SLC35F3: variants seen among roughly 807,000 people sequenced by gnomAD.
SLC35F3 encodes the protein putative thiamine transporter SLC35F3.
A neutral mutation model predicts 49.9 loss-of-function variants in SLC35F3; 25 were observed. That is an observed-to-expected ratio of 0.50 (90% confidence interval 0.37 to 0.70). SLC35F3 has a LOEUF of 0.70. Ranked by LOEUF, SLC35F3 falls within the 30% of genes least tolerant of loss-of-function variation. SLC35F3 has a pLI of 0.00. For missense variants in SLC35F3, 525 were observed against 639.8 expected (o/e 0.82, Z 1.94); for synonymous variants, 275 against 265.4 (o/e 1.04, Z -0.35).
chr1:234,279,168 G>A (rs1348786279), intron 3 of SLC35F3, among the ~76,000 whole-genome samples: 1 of 152,150 alleles, frequency 6.6e-6, no homozygotes, highest in Non-Finnish European at 1.5e-5. Flanking sequence ...CTGTAAGTGG[G>A]GAGGGGACTT....
chr1:234,109,911 T>C (rs1665379840), intron 2 of SLC35F3, among the ~76,000 whole-genome samples: 1 of 152,158 alleles, frequency 6.6e-6, no homozygotes, highest in Non-Finnish European at 1.5e-5. Flanking sequence ...CGAGATGCCA[T>C]GGCCAGGGGC....
chr1:234,194,765 G>T (rs1442844893), intron 2 of SLC35F3, among the ~76,000 whole-genome samples: 1 of 152,114 alleles, frequency 6.6e-6, no homozygotes, highest in Non-Finnish European at 1.5e-5. Context: ...TGGAGGAGGT[G>T]ATTCTAATAG....
intron 2 of SLC35F3, among the ~76,000 whole-genome samples, chr1:234,139,928 C>T (rs919132032): frequency 1.2e-5 from 1 of 81,522 alleles, no homozygotes; most frequent in South Asian, 3.7e-4. Flanking sequence ...AGCCTGGCAA[C>T]AGAGCGAGAC....
intron 2 of SLC35F3, among the ~76,000 whole-genome samples, chr1:234,194,847 G>C (rs1166837697): frequency 6.6e-6 from 1 of 151,602 alleles, no homozygotes; most frequent in Non-Finnish European, 1.5e-5. Context: ...TTTAACCCAT[G>C]TTCCTGTTTC....
In SLC35F3 at chr1:234,214,748, G is replaced by A; in HGVS notation, c.284-16669G>A. ...GCGTGGGGGGATCTGGCAGCTTCAGGGGCTGCCCTGAGCTCCCTGGCGAGC... is the reference window on the plus strand; with the variant it reads ...GCGTGGGGGGATCTGGCAGCTTCAGAGGCTGCCCTGAGCTCCCTGGCGAGC... On this transcript the variant is annotated intron_variant, in intron 2 of 7. Transcript: ENST00000366618. This position sits in a 1 kb window ranked among gnomAD's most constrained non-coding sequence, Gnocchi z 8.0. 1 of 869,342 alleles carries A rather than the reference G, an allele frequency of 1.2e-6. No homozygotes were observed. The highest frequency in any genetic ancestry group is 1.6e-6 in the Non-Finnish European group (1 of 616,884). The allele number at this position is 869,342 out of a possible 1,614,324, so 53.9% of individuals were successfully genotyped here.
chr1:234,018,190 T>A (rs889292189), intron 2 of SLC35F3, among the ~76,000 whole-genome samples: 16 of 152,290 alleles, frequency 1.1e-4, no homozygotes, highest in African/African-American at 3.9e-4. Context: ...AGACATAAAT[T>A]TTAGCAAGTA....
chr1:234,038,585 G>A (rs1235756497), intron 2 of SLC35F3, among the ~76,000 whole-genome samples: 1 of 152,122 alleles, frequency 6.6e-6, no homozygotes, highest in Non-Finnish European at 1.5e-5. Flanking sequence ...CACCAACAGT[G>A]TAAAAAACAG....
chr1:234,290,973 A>G (rs1668497680), intron 3 of SLC35F3, among the ~76,000 whole-genome samples: 1 of 151,814 alleles, frequency 6.6e-6, no homozygotes, highest in Non-Finnish European at 1.5e-5. Context: ...GGGTAAGGAG[A>G]GGCCACCAAT....
intron 2 of SLC35F3, among the ~76,000 whole-genome samples, chr1:234,130,615 C>T (rs12071462): frequency 0.46 from 67,255 of 147,238 alleles, 16,540 homozygotes; most frequent in Non-Finnish European, 0.56. Context: ...CACTCCAGCC[C>T]AGGTGACAGA....
At chr1:234,294,897 G>A (rs1430351843) in intron 3 of SLC35F3, among the ~76,000 whole-genome samples, 1 of 152,094 alleles carries the variant, frequency 6.6e-6, no homozygotes, top group East Asian at 1.9e-4. Context: ...GATTTACAGG[G>A]TGCCTGGGGG....
chr1:234,055,995 A>G (rs1191651563), intron 2 of SLC35F3, among the ~76,000 whole-genome samples: 1 of 152,152 alleles, frequency 6.6e-6, no homozygotes, highest in African/African-American at 2.4e-5. Flanking sequence ...ATTGACAATT[A>G]TATTGTCCTG....
chr1:234,216,567 T>G (rs1387943518), intron 2 of SLC35F3, among the ~76,000 whole-genome samples: 1 of 152,210 alleles, frequency 6.6e-6, no homozygotes, highest in African/African-American at 2.4e-5. Flanking sequence ...GCTTTGAGTC[T>G]CCTGCACCTG....
chr1:234,012,439 A>G (rs961784715), intron 2 of SLC35F3, among the ~76,000 whole-genome samples: 1 of 152,246 alleles, frequency 6.6e-6, no homozygotes, highest in Non-Finnish European at 1.5e-5. Context: ...CCACGAGGCC[A>G]TATTTCAAAC....
At chr1:233,913,875 G>A (rs923457275) in intron 2 of SLC35F3, among the ~76,000 whole-genome samples, 1 of 152,292 alleles carries the variant, frequency 6.6e-6, no homozygotes, top group East Asian at 1.9e-4. Flanking sequence ...TCCAGTTTTG[G>A]TAACTTTAAA....
intron 2 of SLC35F3, among the ~76,000 whole-genome samples, chr1:234,030,538 C>T (rs1314479417): frequency 6.6e-6 from 1 of 152,092 alleles, no homozygotes; most frequent in Admixed American, 6.6e-5. Context: ...TTTACATTCC[C>T]CTGAGAAAGC....
intron 2 of SLC35F3, among the ~76,000 whole-genome samples, chr1:233,946,989 G>T (rs116563753): frequency 0.011 from 1,691 of 152,316 alleles, 18 homozygotes; most frequent in Non-Finnish European, 0.019. Flanking sequence ...AAATGTCATT[G>T]ATAGATAAGC....
intron 3 of SLC35F3, among the ~76,000 whole-genome samples, chr1:234,295,331 T>C (rs1383662481): frequency 1.3e-5 from 2 of 152,226 alleles, no homozygotes; most frequent in African/African-American, 2.4e-5. Context: ...CTCTGTGAGA[T>C]AGCTCATTGG....
At chr1:234,222,140 G>T (rs765835762) in intron 2 of SLC35F3, among the ~76,000 whole-genome samples, 3 of 152,210 alleles carry the variant, frequency 2.0e-5, no homozygotes, top group Non-Finnish European at 4.4e-5. Flanking sequence ...CAGAACCCCA[G>T]ATGATGTGAT....
intron 3 of SLC35F3, among the ~76,000 whole-genome samples, chr1:234,248,735 C>T (rs1209909580): frequency 6.6e-6 from 1 of 152,182 alleles, no homozygotes; most frequent in Non-Finnish European, 1.5e-5. Context: ...GAGGCTAAGC[C>T]CCAAGATACA....
Sources: gnomAD v4.1 joint callset for allele counts (sites outside exome capture counted in the v4.1 genomes callset) on GRCh38, gnomAD v4.1.1 for gene constraint, Gnocchi (gnomAD v3.1) non-coding constraint, MANE v1.5 for transcripts, NCBI Gene and HGNC (gene_info 2026-07-23, HGNC 2026-07-21) for gene names.